AGBL1: variants seen among roughly 807,000 people sequenced by gnomAD.
AGBL1 encodes cytosolic carboxypeptidase 4.
Under a neutral mutation model 118.9 loss-of-function variants are expected in AGBL1, and 130 were observed. The ratio of observed to expected loss-of-function variants is 1.09; its 90% CI spans 0.95 to 1.26. The LOEUF (loss-of-function observed/expected upper bound fraction) is 1.26, where lower values mean the gene tolerates loss of function less well. AGBL1 is among the 50% of genes most tolerant of loss of function. The probability of loss-of-function intolerance (pLI) is 0.00; values close to 1 mark genes in which losing one functional copy is unlikely to be tolerated. For missense variants in AGBL1, 1,584 were observed against 1,298.1 expected (o/e 1.22, Z -3.38); for synonymous variants, 555 against 478.9 (o/e 1.16, Z -2.08).
chr15:86,620,894 C>G (rs1015544050), intron 21 of AGBL1, among the ~76,000 whole-genome samples: 1 of 151,500 alleles, frequency 6.6e-6, no homozygotes, highest in African/African-American at 2.4e-5. Context: ...TTTTTCAAGT[C>G]GCCTGCGTGC....
chr15:86,753,585 A>G (rs528918907), intron 22 of AGBL1, among the ~76,000 whole-genome samples: 13 of 151,586 alleles, frequency 8.6e-5, no homozygotes, highest in Admixed American at 2.6e-4. Flanking sequence ...TTTAGTAGAG[A>G]CGGGGTTTCA....
intron 22 of AGBL1, among the ~76,000 whole-genome samples, chr15:86,826,045 A>AT (rs367755506): frequency 6.6e-6 from 1 of 151,894 alleles, no homozygotes; most frequent in Non-Finnish European, 1.5e-5. Flanking sequence ...GCAAAAAAAA[A>AT]ATATTACAAT....
intron 22 of AGBL1, among the ~76,000 whole-genome samples, chr15:86,717,230 T>C (rs1049755830): frequency 6.6e-6 from 1 of 152,088 alleles, no homozygotes; most frequent in East Asian, 1.9e-4. Context: ...AGGAGTGGGG[T>C]AGCACTTCAT....
chr15:86,281,123 C>T (rs2079346030), intron 16 of AGBL1, among the ~76,000 whole-genome samples: 1 of 152,194 alleles, frequency 6.6e-6, no homozygotes, highest in Non-Finnish European at 1.5e-5. Context: ...GTGGCTCACT[C>T]CTGTAATCCC....
chr15:86,451,120 T>C (rs934082876), intron 18 of AGBL1, among the ~76,000 whole-genome samples: 24 of 152,242 alleles, frequency 1.6e-4, no homozygotes, highest in Admixed American at 1.2e-3. Flanking sequence ...TTACAGAACA[T>C]TTTTGTATGC....
At chr15:86,255,192 T>C (rs796256789) in intron 7 of AGBL1, among the ~76,000 whole-genome samples, 5 of 152,348 alleles carry the variant, frequency 3.3e-5, no homozygotes, top group African/African-American at 1.2e-4. Context: ...TTATATCTGA[T>C]AAGCCATCTC....
chr15:86,994,932 A>G (rs1240264471), intron 24 of AGBL1, among the ~76,000 whole-genome samples: 1 of 152,174 alleles, frequency 6.6e-6, no homozygotes, highest in African/African-American at 2.4e-5. Context: ...GGCTGTAATG[A>G]ACTATTTCTT....
Position 86,266,473 on chromosome 15 carries a change from C to T in AGBL1, c.1751+16C>T, listed in dbSNP as rs1376460495. 4 of 1,538,762 alleles carry T rather than the reference C, an allele frequency of 2.6e-6. No individual in the cohort carries two copies. In the Admixed American group the frequency reaches 7.8e-5, roughly 30 times the overall value. Reference sequence around the variant, plus strand: ...ATGAGCCTTGGTAGGTAGTCTCGTGCATCTGAGGAAGGTGGGGCATGGAGA... The same window carrying T: ...ATGAGCCTTGGTAGGTAGTCTCGTGTATCTGAGGAAGGTGGGGCATGGAGA... On this transcript the variant is annotated intron_variant, in intron 12 of 22. Transcript: ENST00000614907.
intron 8 of AGBL1, 125 bp downstream of exon 8, chr15:86,257,143 A>C (rs1176511480): frequency 9.4e-7 from 1 of 1,064,958 alleles, no homozygotes; most frequent in Non-Finnish European, 1.3e-6. Context: ...TATTAAGCTA[A>C]TTAGAGACAT....
At chr15:86,334,069 C>T (rs1341258314) in intron 17 of AGBL1, among the ~76,000 whole-genome samples, 1 of 152,128 alleles carries the variant, frequency 6.6e-6, no homozygotes, top group African/African-American at 2.4e-5. Flanking sequence ...TCACAACCAA[C>T]ATCATAATAA....
At chr15:86,951,450 T>A (rs548370656) in intron 23 of AGBL1, among the ~76,000 whole-genome samples, 2 of 152,316 alleles carry the variant, frequency 1.3e-5, no homozygotes, top group Non-Finnish European at 1.5e-5. Flanking sequence ...CCAAAAAATA[T>A]GTAAAGACAT....
At chr15:86,325,510 G>A (rs1233642466) in intron 17 of AGBL1, among the ~76,000 whole-genome samples, 2 of 152,116 alleles carry the variant, frequency 1.3e-5, no homozygotes, top group African/African-American at 4.8e-5. Context: ...GTTTGGCAGG[G>A]CCTCTCCTTT....
intron 17 of AGBL1, chr15:86,304,987 A>G (rs1313704024): frequency 6.6e-6 from 1 of 152,168 alleles, no homozygotes; most frequent in Non-Finnish European, 1.5e-5. Context: ...GATGAGATGA[A>G]CCCCATGCCT....
At chr15:86,478,866 T>C (rs2082602510) in intron 18 of AGBL1, among the ~76,000 whole-genome samples, 1 of 152,174 alleles carries the variant, frequency 6.6e-6, no homozygotes, top group South Asian at 2.1e-4. Context: ...AACAGCACGA[T>C]ACTGGTACCA....
At chr15:86,167,098 C>G (rs2077352213) in intron 5 of AGBL1, among the ~76,000 whole-genome samples, 1 of 152,142 alleles carries the variant, frequency 6.6e-6, no homozygotes, top group Admixed American at 6.6e-5. Context: ...TCCTGTAAAT[C>G]ACACCTTCCT....
chr15:86,247,740 A>G lies in AGBL1; in HGVS notation c.596A>G (p.His199Arg), dbSNP rs1597619015. 9 of 1,613,752 alleles carry G rather than the reference A, an allele frequency of 5.6e-6. No individual in the cohort carries two copies. In the Admixed American group the frequency reaches 1.2e-4, roughly 21 times the overall value. ...TSLLGLHQDW[H>R]SHDTANAYVQ... ...CTGCTCGGGCTGCACCAGGACTGGC[A>G]CAGCCATGACACAGCCAACGCCTAC... Residue 199 changes from histidine (H) to arginine (R), a missense_variant, in exon 7 of 23, where the codon CAC (histidine) becomes CGC (arginine). Transcript: ENST00000614907.
At chr15:86,353,431 G>T (rs1381307796) in intron 17 of AGBL1, among the ~76,000 whole-genome samples, 1 of 152,174 alleles carries the variant, frequency 6.6e-6, no homozygotes, top group Non-Finnish European at 1.5e-5. Flanking sequence ...TCTAGGTCAA[G>T]TTTCATTTCC....
chr15:86,450,988 C>T (rs899137471), intron 18 of AGBL1, among the ~76,000 whole-genome samples: 2 of 151,876 alleles, frequency 1.3e-5, no homozygotes, highest in Non-Finnish European at 2.9e-5. Flanking sequence ...CTAATTATAT[C>T]TTCTAGGATA....
intron 22 of AGBL1, among the ~76,000 whole-genome samples, chr15:86,787,862 T>C (rs1480162652): frequency 6.6e-6 from 1 of 152,208 alleles, no homozygotes; most frequent in Non-Finnish European, 1.5e-5. Context: ...TTACATCTTT[T>C]TTTTCTTCTT....
Sources: allele counts gnomAD v4.1 joint callset (sites outside exome capture counted in the v4.1 genomes callset), GRCh38; gene constraint gnomAD v4.1.1; transcripts MANE v1.5; gene names NCBI Gene and HGNC (gene_info 2026-07-23, HGNC 2026-07-21).